NALF1: variants seen among roughly 807,000 people sequenced by gnomAD.
NALF1 encodes the protein NALCN channel auxiliary factor 1.
NALF1 carries 3 observed loss-of-function variants against 48.4 expected under a neutral mutation model. The observed-to-expected ratio is 0.06, with a 90% CI of 0.03 to 0.16. The LOEUF (loss-of-function observed/expected upper bound fraction) is 0.16. NALF1 is among the 10% of genes least tolerant of loss of function. The pLI is 1.00. For missense variants in NALF1, 526 were observed against 571.5 expected (o/e 0.92, Z 0.81); for synonymous variants, 262 against 245.7 (o/e 1.07, Z -0.62).
intron 1 of NALF1, among the ~76,000 whole-genome samples, chr13:107,247,824 C>G (rs936854331): frequency 6.6e-6 from 1 of 152,126 alleles, no homozygotes; most frequent in African/African-American, 2.4e-5. Context: ...AACAACAAAA[C>G]CCCTCTATTG....
chr13:107,479,477 CACA>C (rs1378526975), intron 1 of NALF1, among the ~76,000 whole-genome samples: 1 of 152,056 alleles, frequency 6.6e-6, no homozygotes, highest in African/African-American at 2.4e-5. Flanking sequence ...CTAACTCCTC[CACA>C]ACAACTTTTT....
At chr13:107,833,189 A>G (rs1487979368) in intron 1 of NALF1, among the ~76,000 whole-genome samples, 3 of 152,208 alleles carry the variant, frequency 2.0e-5, no homozygotes, top group African/African-American at 7.2e-5. Flanking sequence ...GACACGTCTG[A>G]TGAATAATTT....
intron 1 of NALF1, among the ~76,000 whole-genome samples, chr13:107,525,951 G>A (rs748764563): frequency 9.2e-5 from 14 of 152,082 alleles, no homozygotes; most frequent in Non-Finnish European, 1.9e-4. Context: ...TAAAGTGTCT[G>A]TACATGTTTT....
Position 107,704,421 on chromosome 13 carries a change from A to C in NALF1, c.915+161261T>G, listed in dbSNP as rs1881898026. 2.0e-5 allele frequency among the ~76,000 whole-genome samples: 3 copies of C among 151,856 alleles called. No individual in the cohort carries two copies. In the South Asian group the frequency reaches 6.2e-4, roughly 32 times the overall value. ...TCTATACCAATGTCTATCTCTTTGA[A>C]TTCATTATATTTTTGAAAAATTTCC... On this transcript the variant is annotated intron_variant, in intron 1 of 2. Coordinates refer to ENST00000375915, the MANE Select transcript of NALF1 (RefSeq NM_001080396.3).
intron 1 of NALF1, among the ~76,000 whole-genome samples, chr13:107,642,562 T>A (rs1464609792): frequency 6.6e-6 from 1 of 152,246 alleles, no homozygotes; most frequent in Non-Finnish European, 1.5e-5. Flanking sequence ...TATGTCAACA[T>A]ATAGCTCCTG....
intron 1 of NALF1, among the ~76,000 whole-genome samples, chr13:107,564,657 T>C (rs1423039570): frequency 6.6e-6 from 1 of 152,178 alleles, no homozygotes; most frequent in East Asian, 1.9e-4. Context: ...TACAAACTGC[T>C]ATGGTCAAAG....
chr13:107,759,292 T>C (rs1341146060), intron 1 of NALF1, among the ~76,000 whole-genome samples: 3 of 152,222 alleles, frequency 2.0e-5, no homozygotes. Flanking sequence ...CACTGGATCC[T>C]CTGCCTCCCG....
intron 1 of NALF1, among the ~76,000 whole-genome samples, chr13:107,218,018 T>G (rs1879910687): frequency 6.6e-6 from 1 of 152,198 alleles, no homozygotes; most frequent in Non-Finnish European, 1.5e-5. Context: ...TTCACAGCTC[T>G]GCGACCTTGC....
At chr13:107,207,014 G>A (rs1006192048) in intron 2 of NALF1, among the ~76,000 whole-genome samples, 7 of 152,106 alleles carry the variant, frequency 4.6e-5, no homozygotes, top group Non-Finnish European at 1.0e-4. Flanking sequence ...AGTGAGAAAT[G>A]ATTGCATTTT....
chr13:107,299,611 G>C (rs1229458069), intron 1 of NALF1, among the ~76,000 whole-genome samples: 1 of 151,648 alleles, frequency 6.6e-6, no homozygotes, highest in East Asian at 1.9e-4. Flanking sequence ...CATTGACAAA[G>C]AGCAATTTTA....
At chr13:107,760,814 T>C (rs565488730) in intron 1 of NALF1, among the ~76,000 whole-genome samples, 2 of 152,284 alleles carry the variant, frequency 1.3e-5, no homozygotes, top group Admixed American at 6.5e-5. Flanking sequence ...TTATACCCCA[T>C]TTCCTTGGCA....
chr13:107,605,418 C>A (rs1032344417), intron 1 of NALF1, among the ~76,000 whole-genome samples: 1 of 152,122 alleles, frequency 6.6e-6, no homozygotes, highest in Non-Finnish European at 1.5e-5. Flanking sequence ...TTAACTAATT[C>A]GGGACTTGGC....
intron 1 of NALF1, among the ~76,000 whole-genome samples, chr13:107,836,317 G>A (rs1243691726): frequency 1.3e-5 from 2 of 152,082 alleles, no homozygotes; most frequent in Non-Finnish European, 2.9e-5. Context: ...ATAATACACA[G>A]GTGATTTTAT....
intron 1 of NALF1, among the ~76,000 whole-genome samples, chr13:107,695,057 C>T (rs948942897): frequency 2.6e-5 from 4 of 152,054 alleles, no homozygotes; most frequent in South Asian, 2.1e-4. Flanking sequence ...CCTCCCAACA[C>T]GCTGGGATGA....
intron 1 of NALF1, among the ~76,000 whole-genome samples, chr13:107,746,945 G>A (rs77504840): frequency 0.049 from 7,394 of 152,214 alleles, 276 homozygotes; most frequent in Non-Finnish European, 0.08. Flanking sequence ...AAAACTCTTA[G>A]AAGAAGACAC....
At chr13:107,744,634 C>T (rs1355578246) in intron 1 of NALF1, among the ~76,000 whole-genome samples, 1 of 152,184 alleles carries the variant, frequency 6.6e-6, no homozygotes, top group African/African-American at 2.4e-5. Context: ...TCAAAACAAC[C>T]TTGAATTATA....
intron 1 of NALF1, among the ~76,000 whole-genome samples, chr13:107,589,757 T>C (rs896384279): frequency 3.9e-5 from 6 of 152,036 alleles, no homozygotes; most frequent in African/African-American, 1.2e-4. Context: ...AGTGGTAAGT[T>C]ATCTAGTAAA....
In NALF1 at chr13:107,840,870, A is replaced by T. The variant is rs540456534; in HGVS notation, c.915+24812T>A. On this transcript the variant is annotated intron_variant, in intron 1 of 2. Transcript: ENST00000375915. ...TACCCAGACTGCCCTTTTTTCCTTC[A>T]TATGTTAAGATTCTACTCATCTTTA... is the stretch of plus-strand genomic sequence containing the variant. 1.7e-3 allele frequency among the ~76,000 whole-genome samples: 252 copies of T among 151,876 alleles called. 1 individual carries two copies. Among genetic ancestry groups the T allele is most frequent in the African/African-American group, 5.9e-3 (243 of 41,436 alleles).
At chr13:107,293,649 T>C (rs1197550310) in intron 1 of NALF1, among the ~76,000 whole-genome samples, 1 of 152,182 alleles carries the variant, frequency 6.6e-6, no homozygotes, top group Non-Finnish European at 1.5e-5. Context: ...TAGGCAAGCT[T>C]TAGGCAGTGG....
Sources: allele counts gnomAD v4.1 joint callset (sites outside exome capture counted in the v4.1 genomes callset), GRCh38; gene constraint gnomAD v4.1.1; transcripts MANE v1.5; gene names NCBI Gene and HGNC (gene_info 2026-07-23, HGNC 2026-07-21).